DZANK1: variants seen among roughly 807,000 people sequenced by gnomAD.
DZANK1 encodes the protein double zinc ribbon and ankyrin repeat domains 1.
Under a neutral mutation model 94.5 loss-of-function variants are expected in DZANK1, and 91 were observed. The observed-to-expected ratio is 0.96, with a 90% CI of 0.81 to 1.15. DZANK1 has a LOEUF of 1.15. DZANK1 is among the 50% of genes most tolerant of loss of function. The pLI, the probability that DZANK1 is intolerant of heterozygous loss-of-function variation, is 0.00. For synonymous variants in DZANK1, 312 were observed against 325.3 expected, an observed-to-expected ratio of 0.96 and a Z score of 0.44; for missense variants, 903 against 916.4, an observed-to-expected ratio of 0.99 and a Z score of 0.19.
intron 19 of DZANK1, among the ~76,000 whole-genome samples, chr20:18,388,707 T>C (rs527836662): frequency 1.1e-4 from 17 of 152,300 alleles, no homozygotes; most frequent in Middle Eastern, 3.4e-3. Context: ...ATCGAAGCTT[T>C]ACACCAACAC....
chr20:18,465,386 A>G lies in DZANK1; in HGVS notation c.-19-9T>C. The G allele has an allele frequency of 8.0e-7, 1 of 1,256,666 alleles. No homozygotes were observed. The highest frequency in any genetic ancestry group is 1.1e-6 in the Non-Finnish European group (1 of 925,996). 77.8% of individuals were successfully genotyped at this position (1,256,666 alleles called of 1,614,324 possible). On this transcript the variant is annotated splice_polypyrimidine_tract_variant and intron_variant, in intron 1 of 20. Coordinates refer to ENST00000262547, the Ensembl canonical transcript of DZANK1. ...TCTCTCTCTCTCTCTCTCTCTATAT[A>G]TATATACATATAAATTCCAATGTAC...
At chr20:18,445,275 G>C (rs1200881838) in intron 7 of DZANK1, among the ~76,000 whole-genome samples, 1 of 152,116 alleles carries the variant, frequency 6.6e-6, no homozygotes, top group African/African-American at 2.4e-5. Context: ...GGTCAACTTA[G>C]CAAGAGGACA....
At chr20:18,443,379 C>T (rs768845619) in exon 8 of DZANK1, 87 of 1,550,016 alleles carry the variant, frequency 5.6e-5, no homozygotes, top group Non-Finnish European at 1.4e-5. Flanking sequence ...AGACGACAGC[C>T]AAATATGGGT....
intron 4 of DZANK1, 46 bp from the exon 5 acceptor site, chr20:18,453,873 T>A: frequency 8.6e-7 from 1 of 1,166,632 alleles, no homozygotes; most frequent in Middle Eastern, 1.9e-4. Context: ...TATTCCCATG[T>A]GAGAATTAAA....
At chr20:18,446,057 G>A (rs1240869816) in intron 7 of DZANK1, among the ~76,000 whole-genome samples, 2 of 133,540 alleles carry the variant, frequency 1.5e-5, no homozygotes, top group East Asian at 2.4e-4. Flanking sequence ...GGGCCACCAC[G>A]CCCAGCCAAA....
intron 18 of DZANK1, 134 bp downstream of exon 18, chr20:18,390,245 C>A: frequency 2.6e-6 from 2 of 779,988 alleles, no homozygotes; most frequent in South Asian, 1.7e-5. Flanking sequence ...ACTAGCCATT[C>A]ACTATATCCC....
chr20:18,453,631 C>T (rs2059182433), intron 5 of DZANK1, 100 bp downstream of exon 5: 1 of 824,816 alleles, frequency 1.2e-6, no homozygotes, highest in South Asian at 1.6e-5. Context: ...GTTTCTTATT[C>T]CAACACTTCT....
At chr20:18,435,259 C>T (rs907762565) in intron 8 of DZANK1, among the ~76,000 whole-genome samples, 3 of 152,122 alleles carry the variant, frequency 2.0e-5, no homozygotes, top group Non-Finnish European at 2.9e-5. Context: ...GATATGCTGA[C>T]CCAAAGGTAA....
At chr20:18,414,429 A>T in exon 12 of DZANK1, 1 of 1,613,856 alleles carries the variant, frequency 6.2e-7, no homozygotes, top group South Asian at 1.1e-5. Flanking sequence ...TCACACAAAT[A>T]CCACAGGAGC....
chr20:18,411,187 T>G (rs1421505803), intron 13 of DZANK1, among the ~76,000 whole-genome samples: 1 of 151,914 alleles, frequency 6.6e-6, no homozygotes, highest in Non-Finnish European at 1.5e-5. Flanking sequence ...ATAAAAATAA[T>G]AGAAAATCAA....
exon 13 of DZANK1, chr20:18,412,822 G>T (rs2057322569): frequency 6.2e-7 from 1 of 1,613,968 alleles, no homozygotes; most frequent in African/African-American, 1.3e-5. Flanking sequence ...TCTGGGCAAA[G>T]GAATATTCAG....
chr20:18,435,837 A>G lies in DZANK1; in HGVS notation c.748-2072T>C, dbSNP rs148134174. Among the ~76,000 whole-genome samples, 360 of 152,242 alleles carry G rather than the reference A, an allele frequency of 2.4e-3. 5 individuals carry two copies. Among genetic ancestry groups the G allele is most frequent in the Admixed American group, 0.02 (302 of 15,288 alleles). On this transcript the variant is annotated intron_variant, in intron 8 of 20. Transcript: ENST00000262547. ...TTTCTTTACTTCTCTAATTAAGAAA[A>G]AAAATTTAAAAAAAATAAAAAGCCT...
At chr20:18,442,432 T>C (rs922975606) in intron 8 of DZANK1, among the ~76,000 whole-genome samples, 2 of 152,226 alleles carry the variant, frequency 1.3e-5, no homozygotes, top group East Asian at 1.9e-4. Context: ...TTTGGTGTTA[T>C]AGTCTGTTTT....
chr20:18,455,129 A>T, intron 4 of DZANK1, 118 bp downstream of exon 4: 1 of 687,520 alleles, frequency 1.5e-6, no homozygotes, highest in Non-Finnish European at 2.5e-6. Flanking sequence ...TAATGACTTC[A>T]GTTATAAGGA....
At chr20:18,460,169 C>T (rs756782534) in exon 3 of DZANK1, 4 of 1,552,424 alleles carry the variant, frequency 2.6e-6, no homozygotes, top group Non-Finnish European at 3.5e-6. Flanking sequence ...ACAGCAATAG[C>T]TTTAACTTGT....
chr20:18,397,000 AG>A (rs1285425089), intron 14 of DZANK1, among the ~76,000 whole-genome samples: 1 of 152,214 alleles, frequency 6.6e-6, no homozygotes, highest in African/African-American at 2.4e-5. Flanking sequence ...GATTAAGCCA[AG>A]GGACAAGAAA....
At position 18,436,395 on chromosome 20, in the gene DZANK1, G is replaced by A. The variant is rs553319697; in HGVS notation, c.748-2630C>T. 3.5e-5 allele frequency among the ~76,000 whole-genome samples: 5 copies of A among 141,394 alleles called. No homozygotes were observed. The East Asian group carries it at 1.0e-3, about 29-fold the overall frequency. The allele number at this position is 141,394 out of a possible 152,430, so 92.8% of individuals were successfully genotyped here. ...GGAGGCGGAGCTTGCAGTGAGCCGA[G>A]ATCGTACCACTGCACTCCAGCCTGG... On this transcript the variant is annotated intron_variant, in intron 8 of 20. Transcript: ENST00000262547.
At chr20:18,393,795 C>A (rs529888041) in exon 17 of DZANK1, 27 of 1,611,946 alleles carry the variant, frequency 1.7e-5, no homozygotes, top group Non-Finnish European at 2.3e-5. Context: ...CTGAGGTACT[C>A]TGGCTGTAGT....
At position 18,461,354 on chromosome 20, in the gene DZANK1, A is replaced by T. The variant is rs577442858; in HGVS notation, c.110-1048T>A. Among the ~76,000 whole-genome samples the T allele has an allele frequency of 8.7e-3, 1,321 of 152,186 alleles. 17 individuals carry two copies. The highest frequency in any genetic ancestry group is 0.011 in the Non-Finnish European group (776 of 67,988). On this transcript the variant is annotated intron_variant, in intron 2 of 20. Transcript: ENST00000262547. ...CTAGGAAATAAATTTAAATTTTTTT[A>T]AAAAAAGAGCTTCCTCATTATTTGT...
Sources: gnomAD v4.1 joint callset for allele counts (sites outside exome capture counted in the v4.1 genomes callset) on GRCh38, gnomAD v4.1.1 for gene constraint, MANE v1.5 for transcripts, NCBI Gene and HGNC (gene_info 2026-07-23, HGNC 2026-07-21) for gene names.